Variants in TRAM2 observed in about 807,000 individuals in gnomAD.
The protein encoded by TRAM2 is translocating chain-associated membrane protein 2.
TRAM2 carries 12 observed loss-of-function variants against 51.0 expected under a neutral mutation model. That is an observed-to-expected ratio of 0.24 (90% confidence interval 0.15 to 0.38). The LOEUF is 0.38. Among genes scored for constraint, TRAM2 ranks in the 10% least tolerant of loss-of-function variants. TRAM2 has a pLI of 1.00. For missense variants in TRAM2, 361 were observed against 462.0 expected (o/e 0.78, Z 2.00); for synonymous variants, 175 against 179.4 (o/e 0.98, Z 0.20).
intron 1 of TRAM2, among the ~76,000 whole-genome samples, chr6:52,571,376 CATAGCAACACATGTTATTCTACAA>C (rs1304268409): frequency 6.6e-6 from 1 of 152,224 alleles, no homozygotes; most frequent in Non-Finnish European, 1.5e-5. Context: ...AAGCTTTCAC[CATAGCAACACATGTTATTCTACAA>C]ACAGTCGGGA....
Position 52,576,865 on chromosome 6 carries a change from G to A in TRAM2, c.51C>T (p.Phe17=). ...TKSYPLFSQE[F]VIHNHADIGF... is the part of the protein sequence containing the mutation. ...CGATGTCCGCATGGTTGTGGATGAC[G>A]AACTCCTGGCTGAAGAGCGGGTAAC... Residue 17 remains phenylalanine (F), a synonymous_variant, in exon 1 of 11, where the codon TTC becomes TTT. Transcript: ENST00000182527. 1 of 1,613,796 alleles carries A rather than the reference G, an allele frequency of 6.2e-7. No homozygotes were observed. Among genetic ancestry groups the A allele is most frequent in the Non-Finnish European group, 8.5e-7 (1 of 1,179,806 alleles).
At chr6:52,553,184 G>C (rs554084871) in intron 1 of TRAM2, among the ~76,000 whole-genome samples, 59 of 152,212 alleles carry the variant, frequency 3.9e-4, no homozygotes, top group African/African-American at 1.4e-3. Flanking sequence ...AATCCTCCCT[G>C]CCTCTCCACA....
At chr6:52,521,570 A>G (rs914843766) in intron 2 of TRAM2, among the ~76,000 whole-genome samples, 63 of 151,666 alleles carry the variant, frequency 4.2e-4, no homozygotes, top group African/African-American at 1.5e-3. Flanking sequence ...GGTGGCGGGC[A>G]CCTGTAGTCC....
rs1189159941 is a variant in TRAM2 at position 52,502,868 on chromosome 6, A to G, written c.*329T>C. 6.5e-6 allele frequency: 2 copies of G among 307,848 alleles called. No individual in the cohort carries two copies. The highest frequency in any genetic ancestry group is 4.7e-5 in the Admixed American group (1 of 21,492). 19.1% of individuals were successfully genotyped at this position (307,848 alleles called of 1,614,324 possible). Reference sequence around the variant, plus strand: ...GAAGTAAAAAGGAAAAGCAGCAGCCATAAGGCAAGAGACAGAGCAAGCAGA... The same window carrying G: ...GAAGTAAAAAGGAAAAGCAGCAGCCGTAAGGCAAGAGACAGAGCAAGCAGA... On this transcript the variant is annotated 3_prime_UTR_variant, in exon 11 of 11. Coordinates refer to ENST00000182527, the MANE Select transcript of TRAM2 (RefSeq NM_012288.4).
At chr6:52,556,783 C>CCAG (rs1454348866) in intron 1 of TRAM2, among the ~76,000 whole-genome samples, 1 of 151,742 alleles carries the variant, frequency 6.6e-6, no homozygotes, top group Non-Finnish European at 1.5e-5. Flanking sequence ...CAAAAATTAG[C>CCAG]TGGGTGTGAT....
chr6:52,572,761 A>T (rs1313525068), intron 1 of TRAM2, among the ~76,000 whole-genome samples: 1 of 152,132 alleles, frequency 6.6e-6, no homozygotes, highest in African/African-American at 2.4e-5. Context: ...GTCTGGGAGG[A>T]TATGAACCAG....
chr6:52,529,978 A>G (rs1314444980), intron 2 of TRAM2: 1 of 152,212 alleles, frequency 6.6e-6, no homozygotes, highest in Non-Finnish European at 1.5e-5. Flanking sequence ...GTAAGACCAG[A>G]AAACACATAT....
At chr6:52,554,841 T>G (rs1289461272) in intron 1 of TRAM2, among the ~76,000 whole-genome samples, 1 of 146,376 alleles carries the variant, frequency 6.8e-6, no homozygotes. Context: ...CAACCACAGC[T>G]CACCACAGCC....
chr6:52,569,567 C>A lies in TRAM2; in HGVS notation c.120+7229G>T, dbSNP rs139578694. Among the ~76,000 whole-genome samples the A allele has an allele frequency of 3.1e-3, 473 of 151,776 alleles. 5 individuals are homozygous for A. The highest frequency in any genetic ancestry group is 0.011 in the African/African-American group (452 of 41,404). On this transcript the variant is annotated intron_variant, in intron 1 of 10. Coordinates refer to ENST00000182527, the MANE Select transcript of TRAM2 (RefSeq NM_012288.4). ...CACTCTTCTGCTTGAATACTAACCACACTACACCCAGGGCATTAGTTCTTA... is the reference window on the plus strand; with the variant it reads ...CACTCTTCTGCTTGAATACTAACCAAACTACACCCAGGGCATTAGTTCTTA...
At chr6:52,517,644 G>C (rs773066911) in intron 2 of TRAM2, among the ~76,000 whole-genome samples, 1 of 152,274 alleles carries the variant, frequency 6.6e-6, no homozygotes, top group Non-Finnish European at 1.5e-5. Context: ...CCTGGTGGCC[G>C]TGTGCCTGGG....
intron 2 of TRAM2, among the ~76,000 whole-genome samples, chr6:52,521,736 C>CAAAAT (rs150742580): frequency 9.3e-5 from 14 of 150,920 alleles, no homozygotes; most frequent in Non-Finnish European, 1.3e-4. Flanking sequence ...TAAAACAAAA[C>CAAAAT]AAAATAAAAT....
chr6:52,511,544 C>A (rs1441066187), intron 4 of TRAM2, among the ~76,000 whole-genome samples: 2 of 152,176 alleles, frequency 1.3e-5, no homozygotes, highest in Admixed American at 1.3e-4. Context: ...GATGTTCACA[C>A]TGGGATTAAA....
At chr6:52,535,423 C>T (rs1022933755) in intron 2 of TRAM2, among the ~76,000 whole-genome samples, 1 of 152,232 alleles carries the variant, frequency 6.6e-6, no homozygotes, top group Non-Finnish European at 1.5e-5. Context: ...TGGCTCATGC[C>T]TGTAATCCCA....
At chr6:52,526,273 G>A (rs1393382694) in intron 2 of TRAM2, among the ~76,000 whole-genome samples, 1 of 151,744 alleles carries the variant, frequency 6.6e-6, no homozygotes, top group African/African-American at 2.4e-5. Context: ...TGCATGCTTT[G>A]TAATATATTT....
chr6:52,528,424 C>A (rs190059982), intron 2 of TRAM2, among the ~76,000 whole-genome samples: 1 of 152,152 alleles, frequency 6.6e-6, no homozygotes, highest in East Asian at 1.9e-4. Flanking sequence ...AGGGGCTCAG[C>A]TTGATAAGTG....
At chr6:52,571,248 T>C (rs1331111592) in intron 1 of TRAM2, among the ~76,000 whole-genome samples, 1 of 152,228 alleles carries the variant, frequency 6.6e-6, no homozygotes, top group African/African-American at 2.4e-5. Context: ...ATCAACCCTC[T>C]GGCTTTGCCA....
At position 52,548,263 on chromosome 6, in the gene TRAM2, T is replaced by C. The variant is rs1480996402; in HGVS notation, c.121-12417A>G. The stretch of plus-strand genomic sequence containing the variant: ...ATACATCTATCTACTCCAACTCCAT[T>C]ATCACGAAGACGATAAAACCAACCA... On this transcript the variant is annotated intron_variant, in intron 1 of 10. Coordinates refer to ENST00000182527, the MANE Select transcript of TRAM2 (RefSeq NM_012288.4). Among the ~76,000 whole-genome samples the C allele has an allele frequency of 2.6e-5, 4 of 152,156 alleles. No individual in the cohort carries two copies. In the East Asian group the frequency reaches 7.7e-4, roughly 29 times the overall value.
rs1258938697 is a variant in TRAM2 at position 52,523,004 on chromosome 6, C to A, written c.185-6267G>T. On this transcript the variant is annotated intron_variant, in intron 2 of 10. Transcript: ENST00000182527. ...CTGGTGTCCACTTCTTACTGACATC[C>A]CATCTGCTTCTGAGAACTCATGTGA... 1.3e-5 allele frequency: 9 copies of A among 681,970 alleles called. 1 individual carries two copies. The African/African-American group carries it at 1.6e-4, about 12-fold the overall frequency. 42.2% of individuals were successfully genotyped at this position (681,970 alleles called of 1,614,324 possible).
intron 1 of TRAM2, among the ~76,000 whole-genome samples, chr6:52,572,988 T>C (rs912095586): frequency 6.6e-6 from 1 of 152,074 alleles, no homozygotes. Context: ...CTTTAAGTCA[T>C]CACAGACCAA....
Sources: gnomAD v4.1 joint callset for allele counts (sites outside exome capture counted in the v4.1 genomes callset) on GRCh38, gnomAD v4.1.1 for gene constraint, MANE v1.5 for transcripts, NCBI Gene and HGNC (gene_info 2026-07-23, HGNC 2026-07-21) for gene names.